Variants in YAF2 observed in about 807,000 individuals in gnomAD.
YAF2 encodes YY1 associated factor 2.
YAF2 carries 7 observed loss-of-function variants against 20.1 expected under a neutral mutation model. The observed-to-expected ratio is 0.35, with a 90% CI of 0.20 to 0.65. YAF2 has a LOEUF of 0.65. Among genes scored for constraint, YAF2 ranks in the 30% least tolerant of loss-of-function variants. The pLI, the probability that YAF2 is intolerant of heterozygous loss-of-function variation, is 0.69. For missense variants in YAF2, 151 were observed against 219.2 expected (o/e 0.69, Z 1.96); for synonymous variants, 74 against 76.0 (o/e 0.97, Z 0.14).
At chr12:42,214,299 G>C (rs1005951289) in intron 2 of YAF2, among the ~76,000 whole-genome samples, 1 of 152,094 alleles carries the variant, frequency 6.6e-6, no homozygotes, top group Non-Finnish European at 1.5e-5. Flanking sequence ...TTTGAGACAA[G>C]GTCTGGCTTT....
chr12:42,208,666 T>C (rs1001822078), intron 2 of YAF2, among the ~76,000 whole-genome samples: 11 of 152,092 alleles, frequency 7.2e-5, no homozygotes, highest in Non-Finnish European at 1.5e-4. Flanking sequence ...ACTTTTCTAC[T>C]GAAGAACTGA....
rs1399661136 is a variant in YAF2, at chr12:42,160,643, G to A, written c.489C>T (p.Ser163=). The change falls in exon 4 of 4, where the codon TCC becomes TCT. Residue 163 remains serine (S), a synonymous_variant. Coordinates refer to ENST00000534854, the MANE Select transcript of YAF2 (RefSeq NM_005748.6). ...SSSDNTERGM[S]RSSSPRGEAS... ...CTTCTCCTCTGGGTGAAGATGACCT[G>A]GACATTCCTCTCTCTGTGTTATCAG... 6.2e-7 allele frequency: 1 copy of A among 1,613,796 alleles called. No homozygotes were observed. Among genetic ancestry groups the A allele is most frequent in the Admixed American group, 1.7e-5 (1 of 59,936 alleles).
At chr12:42,238,018 G>T in intron 1 of YAF2, 137 bp downstream of exon 1, 1 of 566,196 alleles carries the variant, frequency 1.8e-6, no homozygotes, top group Non-Finnish European at 2.4e-6. Flanking sequence ...CCCCTCAAGC[G>T]GCAGCACTCG....
At chr12:42,195,850 G>T (rs2066735379) in intron 2 of YAF2, among the ~76,000 whole-genome samples, 1 of 152,118 alleles carries the variant, frequency 6.6e-6, no homozygotes, top group African/African-American at 2.4e-5. Flanking sequence ...ATTAAATTAA[G>T]AATTGAAATG....
intron 2 of YAF2, among the ~76,000 whole-genome samples, chr12:42,173,773 G>A (rs191737571): frequency 6.6e-6 from 1 of 152,082 alleles, no homozygotes; most frequent in Admixed American, 6.5e-5. Context: ...TCCAATTACT[G>A]TTCTAAGTAC....
At position 42,237,744 on chromosome 12, in the gene YAF2, C is replaced by A. The variant is rs1333649383; in HGVS notation, c.27-20G>T. On this transcript the variant is annotated intron_variant, in intron 1 of 3. Transcript: ENST00000534854. ...TTCGGCCTGCAGGACACAACCCGGA[C>A]ACGACGCGGCGCGGGGTCACCAGCA... The A allele has an allele frequency of 2.6e-6, 4 of 1,510,240 alleles. No homozygotes were observed. Among genetic ancestry groups the A allele is most frequent in the East Asian group, 2.9e-5 (1 of 34,498 alleles). The allele number at this position is 1,510,240 out of a possible 1,614,324, so 93.6% of individuals were successfully genotyped here. A position where few individuals can be genotyped will look rare whatever the true frequency, so the allele number is the denominator to read the frequency against.
intron 2 of YAF2, chr12:42,235,602 T>C (rs766750020): frequency 3.9e-5 from 57 of 1,464,214 alleles, no homozygotes; most frequent in Non-Finnish European, 4.9e-5. Context: ...GGTCGTGGTG[T>C]AGAACACTTA....
At position 42,160,733 on chromosome 12, in the gene YAF2, T is replaced by C. The variant is rs1565592147; in HGVS notation, c.399A>G (p.Lys133=). 3.1e-6 allele frequency: 5 copies of C among 1,613,774 alleles called. No individual in the cohort carries two copies. Among genetic ancestry groups the C allele is most frequent in the Non-Finnish European group, 4.2e-6 (5 of 1,179,854 alleles). The change falls in exon 4 of 4, where the codon AAA becomes AAG. Residue 133 remains lysine, a synonymous_variant. Coordinates refer to ENST00000534854, the MANE Select transcript of YAF2 (RefSeq NM_005748.6). ...CACTAGATGCAGGCGGTGACTTTGT[T>C]TTCTCCTTAAAGTCTGTAATAATGA... The part of the protein sequence containing the change: ...LTVIITDFKE[K]TKSPPASSAA...
intron 2 of YAF2, among the ~76,000 whole-genome samples, chr12:42,208,624 A>G (rs570052950): frequency 6.6e-6 from 1 of 152,324 alleles, no homozygotes; most frequent in East Asian, 1.9e-4. Flanking sequence ...TATTAAATAA[A>G]TTCCATGAAT....
chr12:42,215,879 G>A (rs764480317), intron 2 of YAF2, among the ~76,000 whole-genome samples: 2 of 151,796 alleles, frequency 1.3e-5, no homozygotes, highest in Non-Finnish European at 2.9e-5. Flanking sequence ...CCCAGATTGC[G>A]CCACTGCACT....
At chr12:42,230,172 G>A (rs913555351) in intron 2 of YAF2, among the ~76,000 whole-genome samples, 5 of 152,102 alleles carry the variant, frequency 3.3e-5, no homozygotes, top group Non-Finnish European at 7.4e-5. Context: ...CAGGAGAATC[G>A]CTCAAATCTG....
intron 2 of YAF2, among the ~76,000 whole-genome samples, chr12:42,227,576 T>C (rs1264976842): frequency 6.8e-6 from 1 of 146,204 alleles, no homozygotes; most frequent in East Asian, 2.1e-4. Context: ...CCGCCCTGTC[T>C]GAGAAGTGAG....
intron 2 of YAF2, among the ~76,000 whole-genome samples, chr12:42,184,119 G>A (rs2066412965): frequency 6.6e-6 from 1 of 152,138 alleles, no homozygotes; most frequent in Non-Finnish European, 1.5e-5. Flanking sequence ...CACTGTTTAA[G>A]CTCACTATTG....
At chr12:42,178,326 G>A (rs991656188) in intron 2 of YAF2, among the ~76,000 whole-genome samples, 3 of 152,016 alleles carry the variant, frequency 2.0e-5, no homozygotes, top group African/African-American at 7.3e-5. Flanking sequence ...CAGGAATGAA[G>A]CCTGGTACAG....
intron 2 of YAF2, among the ~76,000 whole-genome samples, chr12:42,197,942 C>A (rs542473497): frequency 5.9e-5 from 9 of 152,184 alleles, no homozygotes; most frequent in African/African-American, 1.9e-4. Context: ...ATATGTTATA[C>A]CTTGGTATAC....
At chr12:42,191,726 G>A (rs2066617149) in intron 2 of YAF2, among the ~76,000 whole-genome samples, 1 of 152,170 alleles carries the variant, frequency 6.6e-6, no homozygotes, top group Non-Finnish European at 1.5e-5. Flanking sequence ...ACAAACTGTG[G>A]TGTTCATTTT....
At chr12:42,211,941 C>T (rs964545872) in intron 2 of YAF2, among the ~76,000 whole-genome samples, 5 of 150,418 alleles carry the variant, frequency 3.3e-5, no homozygotes, top group Admixed American at 1.3e-4. Flanking sequence ...CCCAGCTACT[C>T]AGGAGGCTGA....
At chr12:42,208,454 T>A (rs564419939) in intron 2 of YAF2, among the ~76,000 whole-genome samples, 2 of 152,126 alleles carry the variant, frequency 1.3e-5, no homozygotes, top group Non-Finnish European at 2.9e-5. Flanking sequence ...AAAATTAAAT[T>A]AAATTAAATT....
intron 2 of YAF2, chr12:42,205,944 C>A: frequency 2.6e-6 from 1 of 381,858 alleles, no homozygotes; most frequent in East Asian, 7.6e-5. Context: ...AATTCTTAAT[C>A]ATTTTTCCTT....
Sources: gnomAD v4.1 joint callset for allele counts (sites outside exome capture counted in the v4.1 genomes callset) on GRCh38, gnomAD v4.1.1 for gene constraint, MANE v1.5 for transcripts, NCBI Gene and HGNC (gene_info 2026-07-23, HGNC 2026-07-21) for gene names.